Variants in GNRH1 observed in about 807,000 individuals in gnomAD.
The protein encoded by GNRH1 is gonadotropin releasing hormone 1.
A neutral mutation model predicts 13.6 loss-of-function variants in GNRH1; 9 were observed. That is an observed-to-expected ratio of 0.66 (90% CI 0.40 to 1.15). The LOEUF (loss-of-function observed/expected upper bound fraction) is 1.15, where lower values mean the gene tolerates loss of function less well. GNRH1 is among the 50% of genes most tolerant of loss of function. The pLI is 0.01. For synonymous variants in GNRH1, 44 were observed against 40.1 expected, an observed-to-expected ratio of 1.10 and a Z score of -0.37; for missense variants, 116 against 110.8, an observed-to-expected ratio of 1.05 and a Z score of -0.21.
At chr8:25,420,132 T>C (rs895250785) in intron 3 of GNRH1, among the ~76,000 whole-genome samples, 19 of 152,126 alleles carry the variant, frequency 1.2e-4, no homozygotes, top group Non-Finnish European at 2.9e-5. Flanking sequence ...AGAAAGGAAA[T>C]AGGCTGGGCG....
intron 3 of GNRH1, among the ~76,000 whole-genome samples, chr8:25,420,181 C>T (rs1032661026): frequency 3.3e-5 from 5 of 150,694 alleles, no homozygotes; most frequent in African/African-American, 9.7e-5. Context: ...TTTGGGAGGC[C>T]GAGGTGGGCG....
chr8:25,419,840 T>C (rs1337792693), intron 3 of GNRH1, among the ~76,000 whole-genome samples: 1 of 152,122 alleles, frequency 6.6e-6, no homozygotes, highest in African/African-American at 2.4e-5. Context: ...CAGGCTGGTC[T>C]TGAACTCCTG....
intron 1 of GNRH1, 56 bp downstream of exon 1, chr8:25,424,145 T>C (rs1159326274): frequency 1.3e-5 from 2 of 152,180 alleles, no homozygotes; most frequent in South Asian, 2.1e-4. Flanking sequence ...AGACATACAA[T>C]AGCATGCAAT....
At chr8:25,422,652 G>T (rs1306054736) in intron 2 of GNRH1, among the ~76,000 whole-genome samples, 1 of 152,184 alleles carries the variant, frequency 6.6e-6, no homozygotes, top group East Asian at 1.9e-4. Flanking sequence ...TTTCTACTAC[G>T]TTATCTTATC....
chr8:25,420,944 C>G (rs1265678420), intron 3 of GNRH1, among the ~76,000 whole-genome samples: 1 of 152,100 alleles, frequency 6.6e-6, no homozygotes, highest in Non-Finnish European at 1.5e-5. Flanking sequence ...TCTCTTTATA[C>G]TTTTTCATCA....
chr8:25,419,972 T>A (rs1801749954), intron 3 of GNRH1, among the ~76,000 whole-genome samples: 1 of 152,118 alleles, frequency 6.6e-6, no homozygotes, highest in African/African-American at 2.4e-5. Flanking sequence ...ATTAATAGTT[T>A]AAGGATGAGT....
intron 2 of GNRH1, 100 bp from the exon 3 acceptor site, chr8:25,421,768 T>TTGG: frequency 1.1e-5 from 4 of 352,598 alleles, no homozygotes; most frequent in Admixed American, 7.0e-5. Context: ...TCAAGGGGGA[T>TTGG]GTGGGGCTGG....
rs369822566 is a variant in GNRH1 at position 25,421,604 on chromosome 8, C to T, written c.206G>A (p.Arg69His). Residue 69 changes from arginine (R) to histidine (H), a missense_variant, in exon 3 of 4, where the codon CGT (arginine) becomes CAT (histidine). Coordinates refer to ENST00000421054, the MANE Select transcript of GNRH1 (RefSeq NM_001083111.2). Reference protein sequence around the residue: ...QRFECTTHQPRSPLRDLKGAL... With the variant: ...QRFECTTHQPHSPLRDLKGAL... ...TCCTTTCAGGTCTCGGAGGGGAGAA[C>T]GTGGCTGGTGCGTGGTGCATTCGAA... is the stretch of plus-strand genomic sequence containing the variant. The T allele has an allele frequency of 3.5e-5, 56 of 1,603,084 alleles. No homozygotes were observed. Among genetic ancestry groups the T allele is most frequent in the Non-Finnish European group, 4.4e-5 (52 of 1,171,860 alleles).
chr8:25,419,432 T>C lies in GNRH1; in HGVS notation c.266A>G (p.Gln89Arg), dbSNP rs1395637440. ...GGCCCAATGGATTTAAATCTTCTTC[T>C]GCCCAGTTTCCTCTTCAATCAGACT... is the stretch of plus-strand genomic sequence containing the variant. Reference protein sequence around the residue: ...LESLIEEETGQKKI With the variant: ...LESLIEEETGRKKI The change falls in exon 4 of 4, where the codon CAG becomes CGG. Residue 89 changes from glutamine to arginine, a missense_variant. Gln to Arg is a conservative substitution (Grantham distance 43, BLOSUM62 1). Coordinates refer to ENST00000421054, the MANE Select transcript of GNRH1 (RefSeq NM_001083111.2). The C allele has an allele frequency of 6.7e-7, 1 of 1,487,146 alleles. No homozygotes were observed. The highest frequency in any genetic ancestry group is 2.3e-5 in the East Asian group (1 of 44,324). 92.1% of individuals were successfully genotyped at this position (1,487,146 alleles called of 1,614,324 possible).
chr8:25,421,106 A>C (rs1183774185), intron 3 of GNRH1, among the ~76,000 whole-genome samples: 3 of 152,068 alleles, frequency 2.0e-5, no homozygotes, highest in Non-Finnish European at 4.4e-5. Flanking sequence ...AGAAAAAAAA[A>C]CCCATCTACA....
intron 3 of GNRH1, among the ~76,000 whole-genome samples, chr8:25,420,514 C>G (rs960951845): frequency 1.3e-5 from 2 of 152,172 alleles, no homozygotes; most frequent in Non-Finnish European, 2.9e-5. Flanking sequence ...TGGGCTTTCC[C>G]AGCTCCTAGG....
chr8:25,421,898 T>C (rs977410037), intron 2 of GNRH1, among the ~76,000 whole-genome samples: 3 of 151,984 alleles, frequency 2.0e-5, no homozygotes, highest in Admixed American at 2.0e-4. Context: ...GAAGATATCA[T>C]ATTTTCCCCT....
At chr8:25,421,744 TG>T in intron 2 of GNRH1, 76 bp from the exon 3 acceptor site, 1 of 564,810 alleles carries the variant, frequency 1.8e-6, no homozygotes, top group Non-Finnish European at 3.3e-6. Flanking sequence ...ACCAAAAAAT[TG>T]TGGAGAGTGG....
upstream of GNRH1, chr8:25,424,695 T>C (rs1801819753): frequency 2.0e-5 from 3 of 152,236 alleles, no homozygotes; most frequent in African/African-American, 7.2e-5. Flanking sequence ...TCTTGGATTC[T>C]TCATTTGTAA....
intron 3 of GNRH1, among the ~76,000 whole-genome samples, chr8:25,419,787 A>T (rs1462569323): frequency 1.3e-5 from 2 of 151,962 alleles, no homozygotes; most frequent in Non-Finnish European, 2.9e-5. Context: ...GCATCTGGCT[A>T]ATTTTTATAG....
rs199639096 is a variant in GNRH1 at position 25,419,394 on chromosome 8, G to A, written c.*25C>T. The A allele has an allele frequency of 2.5e-4, 318 of 1,273,092 alleles. 5 individuals are homozygous for A. In the South Asian group the frequency reaches 3.6e-3, roughly 14 times the overall value. 78.9% of individuals were successfully genotyped at this position (1,273,092 alleles called of 1,614,324 possible). Reference sequence around the variant, plus strand: ...ATTATACTTAAGTCATGTTAGTAATGGTCATTCCTTCTGGCCCAATGGATT... The same window carrying A: ...ATTATACTTAAGTCATGTTAGTAATAGTCATTCCTTCTGGCCCAATGGATT... On this transcript the variant is annotated 3_prime_UTR_variant, in exon 4 of 4. Transcript: ENST00000421054.
Position 25,423,271 on chromosome 8 carries a change from G to A in GNRH1, c.60C>T (p.Gly20=), listed in dbSNP as rs377764696. ...GLILLTWCVE[G]CSSQHWSYGL... ...CATAGGACCAGTGCTGGCTGGAGCA[G>A]CCTTCCACGCACCAAGTCAGTAGAA... The change falls in exon 2 of 4, where the codon GGC becomes GGT. Residue 20 remains glycine, a synonymous_variant. Transcript: ENST00000421054. 6.5e-5 allele frequency: 104 copies of A among 1,611,154 alleles called. No individual in the cohort carries two copies. The highest frequency in any genetic ancestry group is 8.7e-5 in the Non-Finnish European group (102 of 1,177,388).
At chr8:25,421,535 C>T (rs750877444) in intron 3 of GNRH1, 38 bp downstream of exon 3, 2 of 1,054,616 alleles carry the variant, frequency 1.9e-6, no homozygotes, top group African/African-American at 3.1e-5. Flanking sequence ...ACCTCTAGAG[C>T]TCTATGCTGT....
chr8:25,423,550 G>T (rs1201531347), intron 1 of GNRH1: 1 of 583,426 alleles, frequency 1.7e-6, no homozygotes. Context: ...AAGCTCACAT[G>T]TTCAGGACCT....
Sources: allele counts gnomAD v4.1 joint callset (sites outside exome capture counted in the v4.1 genomes callset), GRCh38; gene constraint gnomAD v4.1.1; transcripts MANE v1.5; gene names NCBI Gene and HGNC (gene_info 2026-07-23, HGNC 2026-07-21).